The following ZNF521 variants were observed in gnomAD, a reference collection of about 807,000 sequenced individuals.
ZNF521 encodes LYST-interacting protein 3.
Under a neutral mutation model 105.5 loss-of-function variants are expected in ZNF521, and 14 were observed. That is an observed-to-expected ratio of 0.13 (90% CI 0.09 to 0.21). The LOEUF is 0.21. Ranked by LOEUF, ZNF521 falls within the 10% of genes least tolerant of loss-of-function variation. The probability of loss-of-function intolerance (pLI) is 1.00; values close to 1 mark genes in which losing one functional copy is unlikely to be tolerated. For synonymous variants in ZNF521, 635 were observed against 606.0 expected, an observed-to-expected ratio of 1.05 and a Z score of -0.70; for missense variants, 1,233 against 1,629.7, an observed-to-expected ratio of 0.76 and a Z score of 4.19.
intron 5 of ZNF521, among the ~76,000 whole-genome samples, chr18:25,151,662 C>T (rs963989587): frequency 3.9e-5 from 6 of 152,094 alleles, no homozygotes; most frequent in Non-Finnish European, 5.9e-5. Context: ...TAGGGCTTCT[C>T]GCTTAGCAGT....
At chr18:25,238,277 C>T (rs1211743172) in intron 3 of ZNF521, among the ~76,000 whole-genome samples, 4 of 152,170 alleles carry the variant, frequency 2.6e-5, no homozygotes, top group African/African-American at 4.8e-5. Context: ...TTTCATATTA[C>T]TAAACCAATT....
intron 3 of ZNF521, among the ~76,000 whole-genome samples, chr18:25,265,636 T>A (rs1214235602): frequency 1.3e-5 from 2 of 152,132 alleles, no homozygotes; most frequent in African/African-American, 4.8e-5. Flanking sequence ...AGAGAACAGT[T>A]TGGAGGTTCC....
intron 3 of ZNF521, chr18:25,231,543 ATCCTAGC>A (rs894177631): frequency 1.3e-5 from 2 of 152,192 alleles, no homozygotes; most frequent in Non-Finnish European, 2.9e-5. Context: ...ACGTGATTTG[ATCCTAGC>A]TCCTGCTGAT....
rs75449779 is a variant in ZNF521 at position 25,161,198 on chromosome 18, T to A, written c.3658+33962A>T. ...TCTCCTTCTCCCTCAAAGCACCTGATGGAAGGCAGGCTCACTAATAATTTT... is the reference window on the plus strand; with the variant it reads ...TCTCCTTCTCCCTCAAAGCACCTGAAGGAAGGCAGGCTCACTAATAATTTT... On this transcript the variant is annotated intron_variant, in intron 5 of 7. Coordinates refer to ENST00000361524, the MANE Select transcript of ZNF521 (RefSeq NM_015461.3). 7.5e-3 allele frequency among the ~76,000 whole-genome samples: 1,144 copies of A among 152,290 alleles called. 6 individuals are homozygous for A. The highest frequency in any genetic ancestry group is 0.026 in the African/African-American group (1,081 of 41,554).
At chr18:25,281,838 G>A (rs1480465107) in intron 3 of ZNF521, among the ~76,000 whole-genome samples, 1 of 152,098 alleles carries the variant, frequency 6.6e-6, no homozygotes, top group Non-Finnish European at 1.5e-5. Flanking sequence ...TACCAGGCAA[G>A]TGGCTAGAAT....
At chr18:25,250,034 GT>G (rs1239682453) in intron 3 of ZNF521, among the ~76,000 whole-genome samples, 2 of 152,114 alleles carry the variant, frequency 1.3e-5, no homozygotes, top group Non-Finnish European at 2.9e-5. Flanking sequence ...CACCTCCCAG[GT>G]TCAGGCCATT....
At chr18:25,324,227 T>C (rs1913084459) in intron 2 of ZNF521, among the ~76,000 whole-genome samples, 1 of 151,982 alleles carries the variant, frequency 6.6e-6, no homozygotes, top group Admixed American at 6.6e-5. Context: ...GAGAAAAAAA[T>C]AGAGACTACC....
intron 3 of ZNF521, chr18:25,273,733 TTA>T (rs1254543745): frequency 6.6e-6 from 1 of 152,186 alleles, no homozygotes; most frequent in African/African-American, 2.4e-5. Flanking sequence ...TCATAAGACA[TTA>T]TGTTTTAAAA....
intron 4 of ZNF521, among the ~76,000 whole-genome samples, chr18:25,196,663 A>T (rs1026571787): frequency 6.6e-6 from 1 of 151,860 alleles, no homozygotes; most frequent in East Asian, 1.9e-4. Context: ...CACGGACTTC[A>T]AACACCCTGA....
intron 4 of ZNF521, among the ~76,000 whole-genome samples, chr18:25,221,964 A>C (rs1457084730): frequency 6.6e-6 from 1 of 152,170 alleles, no homozygotes; most frequent in Non-Finnish European, 1.5e-5. Flanking sequence ...GTATCATACA[A>C]AATTTTATAA....
At chr18:25,280,164 C>T (rs1206421409) in intron 3 of ZNF521, among the ~76,000 whole-genome samples, 1 of 152,182 alleles carries the variant, frequency 6.6e-6, no homozygotes, top group Non-Finnish European at 1.5e-5. Context: ...GCTCCGCAGC[C>T]CTGACAGATG....
intron 3 of ZNF521, among the ~76,000 whole-genome samples, chr18:25,285,480 T>C (rs1910645161): frequency 6.6e-6 from 1 of 152,200 alleles, no homozygotes; most frequent in Non-Finnish European, 1.5e-5. Flanking sequence ...GTTAGGTGCA[T>C]ACACAGGCTG....
At chr18:25,173,993 CA>C (rs1199556306) in intron 5 of ZNF521, among the ~76,000 whole-genome samples, 48 of 152,094 alleles carry the variant, frequency 3.2e-4, no homozygotes, top group African/African-American at 1.1e-3. Flanking sequence ...ACTGAAAATA[CA>C]GAGCACTAAT....
intron 7 of ZNF521, among the ~76,000 whole-genome samples, chr18:25,085,231 A>G (rs1599991029): frequency 6.7e-6 from 1 of 149,566 alleles, no homozygotes; most frequent in Non-Finnish European, 1.5e-5. Context: ...TTATGTGTAT[A>G]TATATATATA....
intron 3 of ZNF521, among the ~76,000 whole-genome samples, chr18:25,283,922 T>TTCC (rs1491344075): frequency 2.1e-5 from 2 of 97,122 alleles, no homozygotes; most frequent in African/African-American, 6.9e-5. Context: ...GCCAATACTT[T>TTCC]CCCCCCCCCC....
At chr18:25,120,699 T>C (rs1567970721) in intron 5 of ZNF521, among the ~76,000 whole-genome samples, 1 of 152,032 alleles carries the variant, frequency 6.6e-6, no homozygotes, top group East Asian at 1.9e-4. Context: ...GGGACATTGA[T>C]AGATATAAAA....
At chr18:25,318,204 C>T (rs1912746024) in intron 3 of ZNF521, among the ~76,000 whole-genome samples, 1 of 151,978 alleles carries the variant, frequency 6.6e-6, no homozygotes, top group Non-Finnish European at 1.5e-5. Context: ...ACAAAAGAAG[C>T]TGGACACACA....
chr18:25,216,852 G>A (rs527508579), intron 4 of ZNF521, among the ~76,000 whole-genome samples: 7 of 152,226 alleles, frequency 4.6e-5, no homozygotes, highest in Admixed American at 6.5e-5. Context: ...CATCATGCCC[G>A]GCCGAGTGAA....
intron 3 of ZNF521, among the ~76,000 whole-genome samples, chr18:25,253,904 T>C (rs1908290681): frequency 6.6e-6 from 1 of 152,154 alleles, no homozygotes; most frequent in Non-Finnish European, 1.5e-5. Flanking sequence ...TTCTCTTGGA[T>C]AATTTTTACA....
Sources: gnomAD v4.1 joint callset for allele counts (sites outside exome capture counted in the v4.1 genomes callset) on GRCh38, gnomAD v4.1.1 for gene constraint, MANE v1.5 for transcripts, NCBI Gene and HGNC (gene_info 2026-07-23, HGNC 2026-07-21) for gene names.